Variants in EDAR observed in about 807,000 individuals in gnomAD.
EDAR encodes the protein ectodysplasin A receptor, also known as tumor necrosis factor receptor superfamily member EDAR.
EDAR carries 38 observed loss-of-function variants against 51.3 expected under a neutral mutation model. That is an observed-to-expected ratio of 0.74 (90% CI 0.57 to 0.97). The LOEUF (loss-of-function observed/expected upper bound fraction) is 0.97, where lower values mean the gene tolerates loss of function less well. Ranked by LOEUF, EDAR falls within the 50% of genes least tolerant of loss-of-function variation. EDAR has a pLI of 0.00. For missense variants in EDAR, 528 were observed against 595.0 expected (o/e 0.89, Z 1.17); for synonymous variants, 227 against 242.1 (o/e 0.94, Z 0.58).
At chr2:108,926,062 G>T (rs940824392) in intron 4 of EDAR, among the ~76,000 whole-genome samples, 11 of 152,156 alleles carry the variant, frequency 7.2e-5, no homozygotes, top group African/African-American at 2.7e-4. Context: ...TAAATGTTAG[G>T]TTCTCTCTGT....
At chr2:108,912,843 G>A (rs1696953662) in intron 5 of EDAR, 79 bp from the exon 6 acceptor site, 2 of 1,216,566 alleles carry the variant, frequency 1.6e-6, no homozygotes, top group Admixed American at 2.0e-5. Flanking sequence ...TCATGGATCT[G>A]GATTCATGAT....
rs1203331248 is a variant in EDAR, at chr2:108,929,145, C to T, written c.356+53G>A. 1.6e-5 allele frequency: 26 copies of T among 1,605,664 alleles called. No homozygotes were observed. The East Asian group carries it at 2.5e-4, about 15-fold the overall frequency. On this transcript the variant is annotated intron_variant, in intron 4 of 11. Coordinates refer to ENST00000258443, the MANE Select transcript of EDAR (RefSeq NM_022336.4). ...CCCAAGGTCCTTGCCCGTAGCCCCT[C>T]GGGGTTTTCTGCAGAAAGCATGCCA...
chr2:108,900,570 A>AC lies in EDAR; in HGVS notation c.1025-3342_1025-3341insG, dbSNP rs869169469. Among the ~76,000 whole-genome samples the AC allele has an allele frequency of 3.9e-3, 360 of 91,588 alleles. 5 individuals carry two copies. Among genetic ancestry groups the AC allele is most frequent in the African/African-American group, 9.6e-3 (348 of 36,250 alleles). 60.1% of individuals were successfully genotyped at this position (91,588 alleles called of 152,430 possible). The stretch of plus-strand genomic sequence containing the variant: ...AACTCCAAAAAAAAAGAAAAAAAAA[A>AC]AAACAAAAAACCCAAACCAAACCAA... On this transcript the variant is annotated intron_variant, in intron 11 of 11. Coordinates refer to ENST00000258443, the MANE Select transcript of EDAR (RefSeq NM_022336.4).
Position 108,968,688 on chromosome 2 carries a change from C to T in EDAR, c.-19+20272G>A, listed in dbSNP as rs529817893. 4.7e-4 allele frequency among the ~76,000 whole-genome samples: 71 copies of T among 152,302 alleles called. 1 individual carries two copies. Among genetic ancestry groups the T allele is most frequent in the Middle Eastern group, 3.4e-3 (1 of 294 alleles). On this transcript the variant is annotated intron_variant, in intron 1 of 11. Coordinates refer to ENST00000258443, the MANE Select transcript of EDAR (RefSeq NM_022336.4). ...TCTGCACTGCTGTGCACAGAATTTG[C>T]CCCCTTTACTCTGGGTAGCCCTGGG...
chr2:108,977,143 GT>G (rs1196070319), intron 1 of EDAR, among the ~76,000 whole-genome samples: 1 of 152,176 alleles, frequency 6.6e-6, no homozygotes, highest in African/African-American at 2.4e-5. Flanking sequence ...CCGGGCCTGG[GT>G]TTTCCTAGAT....
intron 1 of EDAR, among the ~76,000 whole-genome samples, chr2:108,971,186 T>A (rs1303153017): frequency 6.6e-6 from 1 of 152,198 alleles, no homozygotes; most frequent in African/African-American, 2.4e-5. Flanking sequence ...CGTCTCCAAC[T>A]GGATTCCTTG....
At chr2:108,962,553 T>A (rs1455977166) in intron 1 of EDAR, among the ~76,000 whole-genome samples, 1 of 151,578 alleles carries the variant, frequency 6.6e-6, no homozygotes, top group Non-Finnish European at 1.5e-5. Context: ...CGGGCGCCTG[T>A]AGTCCCAGCT....
At chr2:108,911,639 G>A (rs560012945) in intron 6 of EDAR, among the ~76,000 whole-genome samples, 107 of 152,298 alleles carry the variant, frequency 7.0e-4, no homozygotes, top group African/African-American at 2.5e-3. Context: ...GGGGGATTTT[G>A]CTCAGTTCCC....
At chr2:108,988,262 T>C (rs182784168) in intron 1 of EDAR, among the ~76,000 whole-genome samples, 87 of 152,324 alleles carry the variant, frequency 5.7e-4, no homozygotes, top group Non-Finnish European at 5.9e-4. Context: ...CTCCCTGAGC[T>C]GACATCTCAA....
At chr2:108,950,723 C>A (rs1426810041) in intron 1 of EDAR, among the ~76,000 whole-genome samples, 4 of 152,220 alleles carry the variant, frequency 2.6e-5, no homozygotes, top group African/African-American at 9.6e-5. Context: ...GAGTCCAGTT[C>A]TCCGGGAATC....
At chr2:108,935,155 A>G (rs1234088694) in intron 1 of EDAR, among the ~76,000 whole-genome samples, 1 of 152,204 alleles carries the variant, frequency 6.6e-6, no homozygotes, top group Non-Finnish European at 1.5e-5. Context: ...CTGAATTAAC[A>G]GCTTCTCTTC....
chr2:108,955,396 A>T (rs1697900161), intron 1 of EDAR, among the ~76,000 whole-genome samples: 1 of 152,232 alleles, frequency 6.6e-6, no homozygotes, highest in African/African-American at 2.4e-5. Flanking sequence ...TAACCCATTA[A>T]TTTTGGGTTT....
intron 1 of EDAR, among the ~76,000 whole-genome samples, chr2:108,961,572 C>T (rs370099555): frequency 8.5e-5 from 13 of 152,186 alleles, no homozygotes; most frequent in Admixed American, 1.3e-4. Context: ...TGGTTATGGA[C>T]GTTCTGCAAA....
intron 1 of EDAR, among the ~76,000 whole-genome samples, chr2:108,974,724 C>T (rs1429342184): frequency 6.6e-6 from 1 of 150,920 alleles, no homozygotes; most frequent in Admixed American, 6.6e-5. Flanking sequence ...AGCAAGACTC[C>T]ATCTCAAAAA....
chr2:108,952,343 G>A (rs1460747035), intron 1 of EDAR, among the ~76,000 whole-genome samples: 4 of 152,150 alleles, frequency 2.6e-5, no homozygotes, highest in Non-Finnish European at 5.9e-5. Context: ...TTAAATATCA[G>A]GATTTTGTTT....
At chr2:108,928,704 T>C (rs2105443584) in intron 4 of EDAR, among the ~76,000 whole-genome samples, 1 of 152,352 alleles carries the variant, frequency 6.6e-6, no homozygotes, top group Middle Eastern at 3.4e-3. Context: ...AGGAAGATTT[T>C]ATCTTTCTCT....
Position 108,911,080 on chromosome 2 carries a change from TGGAGA to T in EDAR, c.530-13_530-9del. 1.2e-6 allele frequency: 2 copies of T among 1,614,028 alleles called. No homozygotes were observed. Among genetic ancestry groups the T allele is most frequent in the Non-Finnish European group, 1.7e-6 (2 of 1,180,000 alleles). On this transcript the variant is annotated splice_polypyrimidine_tract_variant and intron_variant, in intron 6 of 11. Transcript: ENST00000258443. ...GTCCTTGGCCTGAGAGTTCTGTGGG[TGGAGA>T]GAAGGCATGAATGACCCAGAGCTCA...
intron 6 of EDAR, among the ~76,000 whole-genome samples, chr2:108,911,955 A>T (rs1574372994): frequency 6.6e-6 from 1 of 152,168 alleles, no homozygotes; most frequent in African/African-American, 2.4e-5. Context: ...AAGTGTTTTA[A>T]TATTCTCCGT....
intron 1 of EDAR, among the ~76,000 whole-genome samples, chr2:108,941,411 C>G (rs979123667): frequency 1.3e-5 from 2 of 152,166 alleles, no homozygotes; most frequent in Non-Finnish European, 2.9e-5. Flanking sequence ...CCTGGTAGCT[C>G]ACAGCCTTCC....
Sources: allele counts gnomAD v4.1 joint callset (sites outside exome capture counted in the v4.1 genomes callset), GRCh38; gene constraint gnomAD v4.1.1; transcripts MANE v1.5; gene names NCBI Gene and HGNC (gene_info 2026-07-23, HGNC 2026-07-21).